Variants in RLF observed in about 807,000 individuals in gnomAD.
RLF encodes RLF zinc finger.
In RLF, 7 loss-of-function variants were observed where a neutral mutation model predicts 162.9. The ratio of observed to expected loss-of-function variants is 0.04; its 90% CI spans 0.02 to 0.08. The LOEUF (loss-of-function observed/expected upper bound fraction) is 0.08. Ranked by LOEUF, RLF falls within the 10% of genes least tolerant of loss-of-function variation. The pLI, the probability that RLF is intolerant of heterozygous loss-of-function variation, is 1.00. For synonymous variants in RLF, 782 were observed against 791.5 expected, an observed-to-expected ratio of 0.99 and a Z score of 0.20; for missense variants, 1,664 against 2,244.7, an observed-to-expected ratio of 0.74 and a Z score of 5.23.
intron 4 of RLF, among the ~76,000 whole-genome samples, chr1:40,198,656 A>T (rs1251618674): frequency 6.6e-6 from 1 of 152,204 alleles, no homozygotes; most frequent in Non-Finnish European, 1.5e-5. Flanking sequence ...TGAAGTATAT[A>T]GTATAAGATA....
chr1:40,191,176 G>A (rs1280332079), intron 3 of RLF, among the ~76,000 whole-genome samples: 1 of 152,054 alleles, frequency 6.6e-6, no homozygotes, highest in East Asian at 1.9e-4. Flanking sequence ...ATACTTATTG[G>A]TAACCTTCAA....
In RLF at chr1:40,237,558, T is replaced by C. The variant is rs771779490; in HGVS notation, c.2856T>C (p.Thr952=). 2.5e-6 allele frequency: 4 copies of C among 1,614,160 alleles called. No homozygotes were observed. The highest frequency in any genetic ancestry group is 1.1e-5 in the South Asian group (1 of 91,082). ...CSSMAVCFDG[T]KFTCGFDGCG... ...GTATGGCAGTTTGTTTTGACGGGACTAAGTTTACCTGTGGTTTTGATGGCT... is the reference window on the plus strand; with the variant it reads ...GTATGGCAGTTTGTTTTGACGGGACCAAGTTTACCTGTGGTTTTGATGGCT... The change falls in exon 8 of 8, where the codon ACT becomes ACC. Residue 952 remains threonine, a synonymous_variant. Coordinates refer to ENST00000372771, the MANE Select transcript of RLF (RefSeq NM_012421.4). The surrounding 1 kb of genome is among the most constrained non-coding windows in gnomAD (Gnocchi z 4.4).
At chr1:40,227,119 C>A (rs1212830097) in intron 6 of RLF, among the ~76,000 whole-genome samples, 1 of 152,088 alleles carries the variant, frequency 6.6e-6, no homozygotes, top group African/African-American at 2.4e-5. Context: ...CCACACTGGC[C>A]AAAACACAGA....
chr1:40,193,297 A>G (rs1642585929), intron 3 of RLF, among the ~76,000 whole-genome samples: 1 of 152,174 alleles, frequency 6.6e-6, no homozygotes, highest in South Asian at 2.1e-4. Flanking sequence ...TTATTTTTAA[A>G]AAATAACTTT....
At chr1:40,162,104 A>G (rs1265294609) in intron 1 of RLF, among the ~76,000 whole-genome samples, 1 of 151,832 alleles carries the variant, frequency 6.6e-6, no homozygotes, top group Non-Finnish European at 1.5e-5. Flanking sequence ...GGGCTCCTAA[A>G]AGGTATGACA....
At chr1:40,166,153 G>A (rs539951030) in intron 1 of RLF, among the ~76,000 whole-genome samples, 28 of 152,056 alleles carry the variant, frequency 1.8e-4, no homozygotes, top group Non-Finnish European at 3.8e-4. Context: ...ACAAGAGCAG[G>A]GGTCTTGTTT....
intron 1 of RLF, among the ~76,000 whole-genome samples, chr1:40,173,171 G>C (rs764015336): frequency 1.5e-4 from 23 of 150,962 alleles, no homozygotes; most frequent in Middle Eastern, 6.8e-3. Context: ...CTGCCTCCCG[G>C]GTTCAAGCGA....
At chr1:40,185,826 CAA>C (rs762760072) in intron 1 of RLF, among the ~76,000 whole-genome samples, 2,537 of 29,946 alleles carry the variant, frequency 0.085, 23 homozygotes, top group African/African-American at 0.26. Flanking sequence ...GAGACTGTCT[CAA>C]AAAAAAAAAA....
At chr1:40,187,131 A>G (rs1375451373) in intron 1 of RLF, among the ~76,000 whole-genome samples, 1 of 151,900 alleles carries the variant, frequency 6.6e-6, no homozygotes, top group African/African-American at 2.4e-5. Flanking sequence ...TCCCAGGTTC[A>G]AGCGATTTTC....
At position 40,202,537 on chromosome 1, in the gene RLF, T is replaced by C; in HGVS notation, c.733T>C (p.Ser245Pro). Residue 245 changes from serine to proline, a missense_variant, in exon 5 of 8, where the codon TCA becomes CCA. Ser to Pro is a moderately conservative substitution (Grantham distance 74). Around this residue, in one of 15 missense-constraint regions of RLF, gnomAD observed 287 missense variants for 404.9 expected, o/e 0.71. Coordinates refer to ENST00000372771, the MANE Select transcript of RLF (RefSeq NM_012421.4). ...ACTATGTGCAGAATCTAAAGAAATT[T>C]CAAATGTGTCATCTTTTCAGCAAGC... ...SKLCAESKEI[S>P]NVSSFQQAYI... is the part of the protein sequence containing the mutation. 6.4e-7 allele frequency: 1 copy of C among 1,568,546 alleles called. No individual in the cohort carries two copies.
rs1335434100 is a variant in RLF, at chr1:40,202,392, T to C, written c.608-20T>C. ...TTATGTGGTATGTTGTCAAACTGTT[T>C]TATTTTTCATTTTTTCTAGTCAATA... On this transcript the variant is annotated intron_variant, in intron 4 of 7. Coordinates refer to ENST00000372771, the MANE Select transcript of RLF (RefSeq NM_012421.4). 2 of 1,534,552 alleles carry C rather than the reference T, an allele frequency of 1.3e-6. No individual in the cohort carries two copies. Among genetic ancestry groups the C allele is most frequent in the Non-Finnish European group, 1.8e-6 (2 of 1,133,916 alleles).
chr1:40,198,254 C>T (rs143902235), intron 4 of RLF, among the ~76,000 whole-genome samples: 2,419 of 150,564 alleles, frequency 0.016, 62 homozygotes, highest in African/African-American at 0.056. Flanking sequence ...CTGCCCTCAG[C>T]TTCCCAAAGT....
chr1:40,189,688 C>G (rs1384280096), intron 2 of RLF, among the ~76,000 whole-genome samples: 1 of 152,156 alleles, frequency 6.6e-6, no homozygotes. Flanking sequence ...AATCCCAGCA[C>G]TTTGGGAAGA....
chr1:40,227,652 C>T (rs1397122195), intron 6 of RLF, among the ~76,000 whole-genome samples: 3 of 152,110 alleles, frequency 2.0e-5, no homozygotes, highest in Non-Finnish European at 4.4e-5. Flanking sequence ...ATACTTGGAG[C>T]CTGAAATACT....
chr1:40,185,517 TAAAAA>T (rs769379758), intron 1 of RLF, among the ~76,000 whole-genome samples: 73 of 23,732 alleles, frequency 3.1e-3, no homozygotes, highest in African/African-American at 8.9e-3. Flanking sequence ...AATCTTGCAT[TAAAAA>T]AAAAAAAAAA....
chr1:40,167,879 AT>A (rs901562288), intron 1 of RLF, among the ~76,000 whole-genome samples: 1 of 151,426 alleles, frequency 6.6e-6, no homozygotes, highest in African/African-American at 2.4e-5. Flanking sequence ...TCCCACTTGA[AT>A]TTTTGAGAGT....
chr1:40,175,331 T>C (rs1642307224), intron 1 of RLF, among the ~76,000 whole-genome samples: 1 of 151,992 alleles, frequency 6.6e-6, no homozygotes, highest in South Asian at 2.1e-4. Flanking sequence ...TATATGTATA[T>C]TTGAACCTAA....
chr1:40,201,675 A>G (rs1642722465), intron 4 of RLF, among the ~76,000 whole-genome samples: 1 of 151,580 alleles, frequency 6.6e-6, no homozygotes, highest in African/African-American at 2.4e-5. Flanking sequence ...AGCACTGTAC[A>G]GTCAATGCCA....
chr1:40,237,290 A>C lies in RLF; in HGVS notation c.2588A>C (p.Lys863Thr), dbSNP rs764575727. The change falls in exon 8 of 8, where the codon AAA becomes ACA. Residue 863 changes from lysine to threonine, a missense_variant. Physicochemically the swap from Lys to Thr is moderately conservative, Grantham distance 78. Coordinates refer to ENST00000372771, the MANE Select transcript of RLF (RefSeq NM_012421.4). This position sits in a 1 kb window ranked among gnomAD's most constrained non-coding sequence, Gnocchi z 4.4. Reference sequence around the variant, plus strand: ...CCCCATCTACTTAACCAAACTGATAAATCACATTTACCTGAAGATCTTTTC... The same window carrying C: ...CCCCATCTACTTAACCAAACTGATACATCACATTTACCTGAAGATCTTTTC... ...NQPHLLNQTD[K>T]SHLPEDLFCA... 2 of 1,614,102 alleles carry C rather than the reference A, an allele frequency of 1.2e-6. No individual in the cohort carries two copies. The highest frequency in any genetic ancestry group is 1.7e-6 in the Non-Finnish European group (2 of 1,179,994).
Sources: gnomAD v4.1 joint callset for allele counts (sites outside exome capture counted in the v4.1 genomes callset) on GRCh38, gnomAD v4.1.1 for gene constraint, gnomAD v4.1.1 regional missense constraint, Gnocchi (gnomAD v3.1) non-coding constraint, MANE v1.5 for transcripts, NCBI Gene and HGNC (gene_info 2026-07-23, HGNC 2026-07-21) for gene names.